FAM120B: variants seen among roughly 807,000 people sequenced by gnomAD.
FAM120B encodes constitutive coactivator of peroxisome proliferator-activated receptor gamma.
FAM120B carries 83 observed loss-of-function variants against 96.3 expected under a neutral mutation model. The ratio of observed to expected loss-of-function variants is 0.86; its 90% confidence interval spans 0.72 to 1.03. The LOEUF (loss-of-function observed/expected upper bound fraction) is 1.03, where lower values mean the gene tolerates loss of function less well. FAM120B is among the 50% of genes least tolerant of loss of function. The probability of loss-of-function intolerance (pLI) is 0.00; values close to 1 mark genes in which losing one functional copy is unlikely to be tolerated. For missense variants in FAM120B, 1,027 were observed against 1,121.2 expected (o/e 0.92, Z 1.20); for synonymous variants, 407 against 402.7 (o/e 1.01, Z -0.13).
intron 8 of FAM120B, 29 bp downstream of exon 8, chr6:170,391,150 C>T: frequency 6.7e-7 from 1 of 1,499,754 alleles, no homozygotes. Flanking sequence ...CCTCTAGAAG[C>T]CCCACAAGCG....
intron 8 of FAM120B, among the ~76,000 whole-genome samples, chr6:170,394,911 C>T (rs1427414376): frequency 4.6e-5 from 7 of 152,254 alleles, no homozygotes; most frequent in South Asian, 2.1e-4. Flanking sequence ...CAGGGCTGGA[C>T]GGCCTGGGCC....
At chr6:170,294,965 G>A (rs1013940615), upstream of FAM120B, among the ~76,000 whole-genome samples, 1 of 152,182 alleles carries the variant, frequency 6.6e-6, no homozygotes, top group African/African-American at 2.4e-5. This position sits in a 1 kb window ranked among gnomAD's most constrained non-coding sequence, Gnocchi z 7.9. Flanking sequence ...AAACATGCCA[G>A]CTTACTTGAA....
Position 170,317,568 on chromosome 6 carries a change from T to A in FAM120B, c.178T>A (p.Cys60Ser). Reference sequence around the variant, plus strand: ...TTGGTATACTCCAGAATCTTGGATCTGCGGTGGCCAGTGGCGAGAATACTT... The same window carrying A: ...TTGGTATACTCCAGAATCTTGGATCAGCGGTGGCCAGTGGCGAGAATACTT... ...RYWYTPESWICGGQWREYFSA... is the reference protein window; with the variant it reads ...RYWYTPESWISGGQWREYFSA... Residue 60 changes from cysteine (C) to serine (S), a missense_variant, in exon 2 of 11, where the codon TGC becomes AGC. Physicochemically the swap from Cys to Ser is moderately radical, Grantham distance 112. Coordinates refer to ENST00000476287, the MANE Select transcript of FAM120B (RefSeq NM_032448.3). 2 of 1,614,198 alleles carry A rather than the reference T, an allele frequency of 1.2e-6. No homozygotes were observed. The highest frequency in any genetic ancestry group is 1.7e-6 in the Non-Finnish European group (2 of 1,180,020).
rs763479363 is a variant in FAM120B, at chr6:170,391,024, C to T, written c.2502C>T (p.Leu834=). 2.5e-6 allele frequency: 4 copies of T among 1,614,056 alleles called. No homozygotes were observed. In the Admixed American group the frequency reaches 6.7e-5, roughly 27 times the overall value. Residue 834 remains leucine, a synonymous_variant, in exon 8 of 11, where the codon CTC becomes CTT. Coordinates refer to ENST00000476287, the MANE Select transcript of FAM120B (RefSeq NM_032448.3). The part of the protein sequence containing the change: ...EVLLEQNRSR[L]TKFHNLKAVV... ...TGGTCTGTTTGCAGAGATCTCGGCT[C>T]ACCAAATTCCACAACCTGAAGGCAG...
At chr6:170,345,228 C>A (rs1787098961) in intron 4 of FAM120B, among the ~76,000 whole-genome samples, 1 of 152,164 alleles carries the variant, frequency 6.6e-6, no homozygotes, top group African/African-American at 2.4e-5. Flanking sequence ...CAGCAAAGTC[C>A]AGCCCAATGT....
At position 170,318,581 on chromosome 6, in the gene FAM120B, C is replaced by T. The variant is rs1785069435; in HGVS notation, c.1191C>T (p.Ser397=). 1.4e-6 allele frequency: 2 copies of T among 1,479,248 alleles called. No individual in the cohort carries two copies. Among genetic ancestry groups the T allele is most frequent in the Non-Finnish European group, 1.8e-6 (2 of 1,099,502 alleles). 91.6% of individuals were successfully genotyped at this position (1,479,248 alleles called of 1,614,324 possible). A position where few individuals can be genotyped will look rare whatever the true frequency, so the allele number is the denominator to read the frequency against. ...TTCCCACGTGTACAGGCCCTGAATC[C>T]AGGCGAGAAGTTCCCATGTGTTCAG... ...QEVPTCTGPE[S]RREVPMCSDP... is the part of the protein sequence containing the mutation. The change falls in exon 2 of 11, where the codon TCC becomes TCT. Residue 397 remains serine (S), a synonymous_variant. Transcript: ENST00000476287.
In FAM120B at chr6:170,391,316, CTT is replaced by C; in HGVS notation, c.2599+196_2599+197del. ...TTGGGAGGCCGAGGCAGGCAGATCA[CTT>C]GAGGTCAGGAATTCAAGACCAGCCT... On this transcript the variant is annotated intron_variant, in intron 8 of 10. Coordinates refer to ENST00000476287, the MANE Select transcript of FAM120B (RefSeq NM_032448.3). 5.7e-6 allele frequency: 3 copies of C among 524,134 alleles called. No individual in the cohort carries two copies. In the South Asian group the frequency reaches 6.1e-5, roughly 11 times the overall value. The allele number at this position is 524,134 out of a possible 1,614,324, so 32.5% of individuals were successfully genotyped here.
chr6:170,354,649 C>T lies in FAM120B; in HGVS notation c.2191-3577C>T, dbSNP rs917836954. ...TCTCAAAAGAGGACATATAGCCGGG[C>T]GCGGTGGCTGATGCCTGTAATCCCA... On this transcript the variant is annotated intron_variant, in intron 5 of 10. Transcript: ENST00000476287. 5.3e-5 allele frequency among the ~76,000 whole-genome samples: 8 copies of T among 152,212 alleles called. No individual in the cohort carries two copies. In the South Asian group the frequency reaches 8.3e-4, roughly 16 times the overall value.
chr6:170,345,963 C>T (rs1211623066), intron 4 of FAM120B, among the ~76,000 whole-genome samples: 1 of 152,166 alleles, frequency 6.6e-6, no homozygotes, highest in Non-Finnish European at 1.5e-5. Flanking sequence ...CCTGTGTCTC[C>T]CAGGCTGCAA....
intron 6 of FAM120B, among the ~76,000 whole-genome samples, chr6:170,360,417 A>G (rs1788272181): frequency 6.6e-6 from 1 of 152,204 alleles, no homozygotes; most frequent in Non-Finnish European, 1.5e-5. Flanking sequence ...TGGCAAGGCT[A>G]AAGTAGAGCC....
intron 4 of FAM120B, among the ~76,000 whole-genome samples, chr6:170,331,909 C>G (rs1211876343): frequency 1.3e-5 from 2 of 152,210 alleles, no homozygotes; most frequent in Non-Finnish European, 2.9e-5. Context: ...AAGCCTGTGC[C>G]CTACATGGAG....
At position 170,404,566 on chromosome 6, in the gene FAM120B, G is replaced by A; in HGVS notation, c.2709G>A (p.Glu903=). ...RDQGPGSRQY[E]HDQWRRY ...TTACTGCAGGAAGCAGACAGTATGA[G>A]CATGACCAGTGGAGAAGGTACTAGT... The change falls in exon 10 of 11, where the codon GAG becomes GAA. Residue 903 remains glutamate (E), a synonymous_variant. Coordinates refer to ENST00000476287, the MANE Select transcript of FAM120B (RefSeq NM_032448.3). 2 of 1,614,026 alleles carry A rather than the reference G, an allele frequency of 1.2e-6. No individual in the cohort carries two copies. Among genetic ancestry groups the A allele is most frequent in the Non-Finnish European group, 1.7e-6 (2 of 1,179,920 alleles).
rs140436260 is a variant in FAM120B at position 170,373,670 on chromosome 6, G to A, written c.2284-14617G>A. 1.8e-4 allele frequency among the ~76,000 whole-genome samples: 28 copies of A among 152,302 alleles called. No homozygotes were observed. In the East Asian group the frequency reaches 4.6e-3, roughly 25 times the overall value. On this transcript the variant is annotated intron_variant, in intron 6 of 10. Coordinates refer to ENST00000476287, the MANE Select transcript of FAM120B (RefSeq NM_032448.3). ...ATGGACCTCCTAACAGAAATTTGCC[G>A]AGAAGAGGTGTAATTTACTTTATAA...
At chr6:170,314,572 G>T (rs1277073479) in intron 1 of FAM120B, among the ~76,000 whole-genome samples, 1 of 152,088 alleles carries the variant, frequency 6.6e-6, no homozygotes, top group Non-Finnish European at 1.5e-5. Context: ...TAATTTGCAG[G>T]TAGAATGACT....
chr6:170,307,489 G>A (rs1203235806), intron 1 of FAM120B, among the ~76,000 whole-genome samples: 1 of 152,212 alleles, frequency 6.6e-6, no homozygotes, highest in African/African-American at 2.4e-5. Flanking sequence ...TTTCCATAAA[G>A]GTTGGATTTG....
chr6:170,369,994 A>G (rs965140978), intron 6 of FAM120B, among the ~76,000 whole-genome samples: 1 of 152,224 alleles, frequency 6.6e-6, no homozygotes, highest in Non-Finnish European at 1.5e-5. Flanking sequence ...TTATTTTTCT[A>G]CAGCAGAAGC....
intron 6 of FAM120B, among the ~76,000 whole-genome samples, chr6:170,366,160 C>G (rs368080210): frequency 1.8e-4 from 27 of 152,326 alleles, no homozygotes; most frequent in Middle Eastern, 6.8e-3. Flanking sequence ...TTCTCTGCAG[C>G]TGTTGGGAGG....
At chr6:170,365,584 G>A (rs1366590333) in intron 6 of FAM120B, among the ~76,000 whole-genome samples, 2 of 152,218 alleles carry the variant, frequency 1.3e-5, no homozygotes, top group Non-Finnish European at 2.9e-5. Context: ...AAAAAGCCCA[G>A]ATGTTTTCTG....
intron 6 of FAM120B, among the ~76,000 whole-genome samples, chr6:170,382,274 T>C (rs1408797262): frequency 6.6e-6 from 1 of 152,104 alleles, no homozygotes; most frequent in African/African-American, 2.4e-5. Context: ...ATTGAAAAAT[T>C]AGCTGGATGT....
Sources: allele counts gnomAD v4.1 joint callset (sites outside exome capture counted in the v4.1 genomes callset), GRCh38; gene constraint gnomAD v4.1.1; non-coding constraint Gnocchi (gnomAD v3.1); transcripts MANE v1.5; gene names NCBI Gene and HGNC (gene_info 2026-07-23, HGNC 2026-07-21).